The following GPHN variants were observed in gnomAD, a reference collection of about 807,000 sequenced individuals.
GPHN encodes gephyrin.
A neutral mutation model predicts 95.5 loss-of-function variants in GPHN; 17 were observed. The ratio of observed to expected loss-of-function variants is 0.18; its 90% CI spans 0.12 to 0.27. GPHN has a LOEUF of 0.27. Ranked by LOEUF, GPHN falls within the 10% of genes least tolerant of loss-of-function variation. The pLI is 1.00. For synonymous variants in GPHN, 320 were observed against 322.5 expected, an observed-to-expected ratio of 0.99 and a Z score of 0.08; for missense variants, 660 against 978.1, an observed-to-expected ratio of 0.67 and a Z score of 4.34.
chr14:67,340,350 A>C, the GPHN span: 1 of 1,084,592 alleles, frequency 9.2e-7, no homozygotes, highest in Non-Finnish European at 1.4e-6. Context: ...TGCTAATTCT[A>C]AAGAACATAA....
the GPHN span, chr14:67,728,168 T>C: frequency 1.3e-5 from 2 of 152,220 alleles, no homozygotes. Context: ...GGTCCATTTG[T>C]TACAGTGAAT....
intron 12 of GPHN, among the ~76,000 whole-genome samples, chr14:67,091,521 T>C (rs928868909): frequency 1.3e-5 from 2 of 151,906 alleles, no homozygotes; most frequent in Non-Finnish European, 2.9e-5. Flanking sequence ...ACTTCCAGAG[T>C]AGAGCAAACA....
At chr14:67,286,659 C>A in the GPHN span, among the ~76,000 whole-genome samples, 1 of 150,474 alleles carries the variant, frequency 6.6e-6, no homozygotes, top group Admixed American at 6.6e-5. Flanking sequence ...AGTTGCAGAT[C>A]AGCCTGGGCA....
At chr14:67,644,321 A>C in the GPHN span, among the ~76,000 whole-genome samples, 1 of 152,184 alleles carries the variant, frequency 6.6e-6, no homozygotes. Flanking sequence ...TATTATTATT[A>C]TCCCTATCTC....
chr14:66,782,696 G>A (rs764052431), intron 3 of GPHN, among the ~76,000 whole-genome samples: 4 of 152,054 alleles, frequency 2.6e-5, no homozygotes, highest in Non-Finnish European at 4.4e-5. Flanking sequence ...CATGCATGGT[G>A]GCATGCATCT....
intron 9 of GPHN, among the ~76,000 whole-genome samples, chr14:67,011,890 T>C (rs996999930): frequency 1.3e-5 from 2 of 149,308 alleles, no homozygotes; most frequent in African/African-American, 4.9e-5. Flanking sequence ...TAAAATAAAC[T>C]GGTCAGAAGC....
chr14:66,793,147 G>GT (rs1271425364), intron 3 of GPHN, among the ~76,000 whole-genome samples: 3 of 152,274 alleles, frequency 2.0e-5, no homozygotes, highest in Non-Finnish European at 4.4e-5. Flanking sequence ...TTTATGGCCA[G>GT]TTTTGGGGCC....
At chr14:67,279,434 G>A in the GPHN span, 1 of 1,613,898 alleles carries the variant, frequency 6.2e-7, no homozygotes, top group Non-Finnish European at 8.5e-7. Flanking sequence ...TGAGACTTAA[G>A]AAACTAGCCC....
intron 1 of GPHN, among the ~76,000 whole-genome samples, chr14:66,634,218 G>T (rs2063982337): frequency 6.6e-6 from 1 of 151,482 alleles, no homozygotes; most frequent in African/African-American, 2.4e-5. Context: ...TTGCACATCT[G>T]GTGTAACTGT....
Position 67,013,958 on chromosome 14 carries a change from TA to T in GPHN, c.964-9674del, listed in dbSNP as rs537033963. Among the ~76,000 whole-genome samples, 11 of 152,254 alleles carry T rather than the reference TA, an allele frequency of 7.2e-5. No individual in the cohort carries two copies. The South Asian group carries it at 2.3e-3, about 32-fold the overall frequency. ...ACAAATACTCAATAATTCAAGTTTT[TA>T]TATTATTGACTGTATCTATTCCTTG... On this transcript the variant is annotated intron_variant, in intron 9 of 22. Coordinates refer to ENST00000478722, the MANE Select transcript of GPHN (RefSeq NM_020806.5).
At chr14:67,090,674 TCTC>T (rs2077111658) in intron 12 of GPHN, among the ~76,000 whole-genome samples, 1 of 152,048 alleles carries the variant, frequency 6.6e-6, no homozygotes, top group African/African-American at 2.4e-5. Context: ...ACTTCATTAA[TCTC>T]CTCTGTATTC....
chr14:66,688,242 A>G (rs1039358643), intron 2 of GPHN, among the ~76,000 whole-genome samples: 2 of 152,194 alleles, frequency 1.3e-5, no homozygotes, highest in African/African-American at 4.8e-5. Flanking sequence ...CTTCACATTG[A>G]ATAGGCTGAT....
At chr14:67,507,102 T>C in the GPHN span, among the ~76,000 whole-genome samples, 13 of 151,986 alleles carry the variant, frequency 8.6e-5, no homozygotes, top group African/African-American at 3.1e-4. Context: ...CTGGGCTGAG[T>C]ATATGGTTTA....
At chr14:67,353,980 G>C in the GPHN span, 1 of 148,108 alleles carries the variant, frequency 6.8e-6, no homozygotes, top group African/African-American at 2.5e-5. Context: ...AAAAAAAAAG[G>C]CATGTTCGAC....
At chr14:67,575,699 C>A in the GPHN span, 2 of 781,574 alleles carry the variant, frequency 2.6e-6, no homozygotes, top group Non-Finnish European at 4.2e-6. Flanking sequence ...ATAGTCTCCA[C>A]CTCCCCATCC....
At chr14:67,083,342 G>T (rs1395159547) in intron 11 of GPHN, among the ~76,000 whole-genome samples, 1 of 151,862 alleles carries the variant, frequency 6.6e-6, no homozygotes, top group Non-Finnish European at 1.5e-5. Context: ...GAGTTCTCTT[G>T]AGATCTGGTT....
At chr14:67,243,489 ATTTTTTTTTTT>A in the GPHN span, among the ~76,000 whole-genome samples, 1 of 100,292 alleles carries the variant, frequency 1.0e-5, no homozygotes, top group Non-Finnish European at 1.9e-5. Context: ...CCAGAATATA[ATTTTTTTTTTT>A]TTTTTTTTTT....
At chr14:67,396,810 A>G in the GPHN span, among the ~76,000 whole-genome samples, 6 of 152,228 alleles carry the variant, frequency 3.9e-5, no homozygotes, top group Admixed American at 2.0e-4. Flanking sequence ...ATATTTTTCA[A>G]TTAACCACTT....
chr14:67,269,536 A>C, the GPHN span, among the ~76,000 whole-genome samples: 2 of 152,182 alleles, frequency 1.3e-5, no homozygotes, highest in Non-Finnish European at 2.9e-5. Flanking sequence ...TGTCCATTAG[A>C]TACAGGGGTC....
Sources: allele counts gnomAD v4.1 joint callset (sites outside exome capture counted in the v4.1 genomes callset), GRCh38; gene constraint gnomAD v4.1.1; transcripts MANE v1.5; gene names NCBI Gene and HGNC (gene_info 2026-07-23, HGNC 2026-07-21).